Variants in STARD13 observed in about 807,000 individuals in gnomAD.
STARD13 encodes the protein StAR related lipid transfer domain containing 13.
STARD13 carries 62 observed loss-of-function variants against 106.4 expected under a neutral mutation model. That is an observed-to-expected ratio of 0.58 (90% CI 0.48 to 0.72). STARD13 has a LOEUF of 0.72. Ranked by LOEUF, STARD13 falls within the 30% of genes least tolerant of loss-of-function variation. The pLI is 0.00. For synonymous variants in STARD13, 565 were observed against 553.0 expected (o/e 1.02, Z -0.31); for missense variants, 1,387 against 1,424.0 (o/e 0.97, Z 0.42).
At chr13:33,657,901 A>G in the STARD13 span, among the ~76,000 whole-genome samples, 1 of 152,130 alleles carries the variant, frequency 6.6e-6, no homozygotes, top group African/African-American at 2.4e-5. Context: ...GTATTTTTTG[A>G]CTGTGGCAAA....
chr13:33,545,162 G>A, the STARD13 span, among the ~76,000 whole-genome samples: 2 of 152,190 alleles, frequency 1.3e-5, no homozygotes, highest in South Asian at 4.1e-4. Context: ...TTTTCTCCAT[G>A]TTGGTCAGGC....
At chr13:33,203,044 T>C (rs1887156999) in intron 1 of STARD13, among the ~76,000 whole-genome samples, 1 of 152,208 alleles carries the variant, frequency 6.6e-6, no homozygotes, top group Non-Finnish European at 1.5e-5. Flanking sequence ...TTTCAAAGCA[T>C]TTTCATGCAC....
intron 1 of STARD13, among the ~76,000 whole-genome samples, chr13:33,195,600 C>T (rs1264190238): frequency 2.6e-5 from 4 of 152,192 alleles, no homozygotes; most frequent in African/African-American, 9.7e-5. Context: ...CAATTTTAGC[C>T]AGGAAGCCGA....
chr13:33,625,658 T>C, the STARD13 span, among the ~76,000 whole-genome samples: 1 of 152,134 alleles, frequency 6.6e-6, no homozygotes, highest in Non-Finnish European at 1.5e-5. Flanking sequence ...AGAGCACAGT[T>C]AAACATTAGG....
the STARD13 span, among the ~76,000 whole-genome samples, chr13:33,400,096 T>A: frequency 5.9e-3 from 892 of 151,956 alleles, 7 homozygotes; most frequent in African/African-American, 0.019. Context: ...ATCTTGTAAC[T>A]GAAAGTTTGC....
chr13:33,514,700 G>A, the STARD13 span, among the ~76,000 whole-genome samples: 1 of 152,130 alleles, frequency 6.6e-6, no homozygotes, highest in Admixed American at 6.6e-5. Flanking sequence ...AAACACAGGG[G>A]CAGCATCAGG....
At chr13:33,298,745 A>G (rs924765560) in intron 1 of STARD13, among the ~76,000 whole-genome samples, 1 of 152,174 alleles carries the variant, frequency 6.6e-6, no homozygotes, top group African/African-American at 2.4e-5. Flanking sequence ...TAAGCCAAGC[A>G]AAAGCAAACT....
the STARD13 span, among the ~76,000 whole-genome samples, chr13:33,440,478 CCTT>C: frequency 6.6e-6 from 1 of 151,808 alleles, no homozygotes; most frequent in South Asian, 2.1e-4. Flanking sequence ...GCAACTTTAT[CCTT>C]CTGGCCTTCT....
the STARD13 span, among the ~76,000 whole-genome samples, chr13:33,443,193 C>T: frequency 7.2e-5 from 11 of 151,850 alleles, no homozygotes; most frequent in East Asian, 1.8e-3. Context: ...CTGGCTAACA[C>T]GGTGAAGACC....
chr13:33,189,435 G>GAAA (rs780813312), intron 1 of STARD13, among the ~76,000 whole-genome samples: 20,846 of 49,860 alleles, frequency 0.42, 2,635 homozygotes, highest in Admixed American at 0.51. Flanking sequence ...TCCTCCTTTC[G>GAAA]GAGGAAGGAG....
At chr13:33,351,838 A>G (rs1369461507), upstream of STARD13, among the ~76,000 whole-genome samples, 1 of 152,174 alleles carries the variant, frequency 6.6e-6, no homozygotes, top group Non-Finnish European at 1.5e-5. Flanking sequence ...TATTATATAA[A>G]TTGCTACTGA....
At chr13:33,347,173 T>C (rs368816823), downstream of STARD13, among the ~76,000 whole-genome samples, 21 of 152,338 alleles carry the variant, frequency 1.4e-4, no homozygotes, top group African/African-American at 4.8e-4. Flanking sequence ...CAGTCAATGA[T>C]GAACTGGACT....
chr13:33,619,661 A>G, the STARD13 span, among the ~76,000 whole-genome samples: 1 of 152,184 alleles, frequency 6.6e-6, no homozygotes, highest in Non-Finnish European at 1.5e-5. Flanking sequence ...AAGGTAGTGA[A>G]AAAAGGGTAA....
intron 1 of STARD13, among the ~76,000 whole-genome samples, chr13:33,209,252 A>G (rs1460132481): frequency 1.3e-5 from 2 of 152,130 alleles, no homozygotes; most frequent in African/African-American, 4.8e-5. Flanking sequence ...GCCTACAACC[A>G]CTGACTCAAA....
chr13:33,566,288 T>C, the STARD13 span, among the ~76,000 whole-genome samples: 1 of 148,586 alleles, frequency 6.7e-6, no homozygotes, highest in East Asian at 2.0e-4. Context: ...AATTAAACTT[T>C]ATCATAGGTA....
chr13:33,214,537 C>A (rs1330596737), intron 1 of STARD13, among the ~76,000 whole-genome samples: 3 of 152,180 alleles, frequency 2.0e-5, no homozygotes, highest in African/African-American at 7.2e-5. Context: ...AATCCAAATG[C>A]AGGAACATCC....
At chr13:33,520,452 T>C in the STARD13 span, among the ~76,000 whole-genome samples, 3 of 152,156 alleles carry the variant, frequency 2.0e-5, no homozygotes, top group Non-Finnish European at 4.4e-5. Flanking sequence ...CTAAATAGCC[T>C]AGAATAGTTC....
the STARD13 span, among the ~76,000 whole-genome samples, chr13:33,368,847 C>T: frequency 4.6e-5 from 7 of 152,162 alleles, no homozygotes; most frequent in East Asian, 5.8e-4. Flanking sequence ...CAGGAGTTTC[C>T]GGCCTCCAGG....
upstream of STARD13, among the ~76,000 whole-genome samples, chr13:33,353,664 C>A (rs2078100693): frequency 6.6e-6 from 1 of 152,224 alleles, no homozygotes. Flanking sequence ...AAAGACTTAA[C>A]CTATGCTTCC....
Sources: gnomAD v4.1 joint callset for allele counts (sites outside exome capture counted in the v4.1 genomes callset) on GRCh38, gnomAD v4.1.1 for gene constraint, MANE v1.5 for transcripts, NCBI Gene and HGNC (gene_info 2026-07-23, HGNC 2026-07-21) for gene names.